PRCP: variants seen among roughly 807,000 people sequenced by gnomAD.
The protein encoded by PRCP is prolylcarboxypeptidase.
PRCP carries 46 observed loss-of-function variants against 54.2 expected under a neutral mutation model. The ratio of observed to expected loss-of-function variants is 0.85; its 90% CI spans 0.67 to 1.09. The LOEUF (loss-of-function observed/expected upper bound fraction) is 1.09, where lower values mean the gene tolerates loss of function less well. Ranked by LOEUF, PRCP falls within the 50% of genes least tolerant of loss-of-function variation. PRCP has a pLI of 0.00. For synonymous variants in PRCP, 240 were observed against 212.2 expected (o/e 1.13, Z -1.14); for missense variants, 613 against 596.8 (o/e 1.03, Z -0.28).
chr11:82,850,468 G>A lies in PRCP; in HGVS notation c.449C>T (p.Ala150Val). Residue 150 changes from alanine to valine, a missense_variant, in exon 4 of 9, where the codon GCT (alanine) becomes GTT (valine). Ala to Val is a moderately conservative substitution (Grantham distance 64). Transcript: ENST00000313010. The stretch of plus-strand genomic sequence containing the variant: ...GATTAACTCTGCAAAATCAGCCAGA[G>A]CTTGTTCTGATGTCAGGAAATTCAA... ...RHLNFLTSEQ[A>V]LADFAELIKH... 4 of 1,592,050 alleles carry A rather than the reference G, an allele frequency of 2.5e-6. No individual in the cohort carries two copies. In the South Asian group the frequency reaches 3.4e-5, roughly 14 times the overall value.
At chr11:82,898,321 A>G (rs1160364511) in intron 1 of PRCP, among the ~76,000 whole-genome samples, 1 of 152,246 alleles carries the variant, frequency 6.6e-6, no homozygotes, top group Admixed American at 6.5e-5. Flanking sequence ...GTTGAATTAT[A>G]TTTCTAAGGA....
chr11:82,869,860 A>C (rs977138865), intron 1 of PRCP, among the ~76,000 whole-genome samples: 2 of 152,254 alleles, frequency 1.3e-5, no homozygotes, highest in Non-Finnish European at 2.9e-5. Context: ...CCAGTGACAA[A>C]TCACATGCCT....
At chr11:82,865,098 C>G (rs1294133960) in intron 1 of PRCP, among the ~76,000 whole-genome samples, 1 of 152,116 alleles carries the variant, frequency 6.6e-6, no homozygotes, top group African/African-American at 2.4e-5. Flanking sequence ...CTTTCATCAC[C>G]CAGTTTTAAA....
At chr11:82,861,488 TTAATC>T (rs1167741866) in intron 1 of PRCP, among the ~76,000 whole-genome samples, 1 of 152,182 alleles carries the variant, frequency 6.6e-6, no homozygotes, top group African/African-American at 2.4e-5. Context: ...TGCTATCACT[TTAATC>T]TAGTAATTAA....
At chr11:82,872,389 A>T (rs138680280) in intron 1 of PRCP, among the ~76,000 whole-genome samples, 4 of 152,314 alleles carry the variant, frequency 2.6e-5, no homozygotes, top group African/African-American at 7.2e-5. Context: ...ATCATTGCAG[A>T]TGTCATTAGT....
Position 82,839,242 on chromosome 11 carries a change from G to GGAAA in PRCP, c.1086+15_1086+18dup. 2 of 1,595,632 alleles carry GGAAA rather than the reference G, an allele frequency of 1.3e-6. No homozygotes were observed. Among genetic ancestry groups the GGAAA allele is most frequent in the Non-Finnish European group, 1.7e-6 (2 of 1,172,182 alleles). On this transcript the variant is annotated intron_variant, in intron 7 of 8. Transcript: ENST00000313010. ...TCAGTGAAAAGTAAGTTCCACTTGG[G>GGAAA]GAAATTATACATATTTACCTGATAG...
chr11:82,844,424 T>A (rs759079457), intron 6 of PRCP, among the ~76,000 whole-genome samples: 2 of 146,488 alleles, frequency 1.4e-5, no homozygotes, highest in Non-Finnish European at 3.0e-5. Flanking sequence ...CCTTCTCTCT[T>A]AAAAAAATAA....
chr11:82,850,331 C>T lies in PRCP; in HGVS notation c.586G>A (p.Val196Ile), dbSNP rs1025706822. Residue 196 changes from valine (V) to isoleucine (I), a missense_variant, in exon 4 of 9, where the codon GTA (valine) becomes ATA (isoleucine). By Grantham distance (29) the Val-to-Ile change is conservative (BLOSUM62 3). Transcript: ENST00000313010. Reference sequence around the variant, plus strand: ...CAGTACAAATGCACTTACCCAACTACCATATGAGGATATTTCATCCTAAAC... The same window carrying T: ...CAGTACAAATGCACTTACCCAACTATCATATGAGGATATTTCATCCTAAAC... ...AWFRMKYPHMVVGALAASAPI... is the reference protein window; with the variant it reads ...AWFRMKYPHMIVGALAASAPI... 1 of 1,563,364 alleles carries T rather than the reference C, an allele frequency of 6.4e-7. No individual in the cohort carries two copies. The highest frequency in any genetic ancestry group is 1.4e-5 in the African/African-American group (1 of 72,542).
chr11:82,826,018 G>C (rs555109766), intron 8 of PRCP: 1 of 152,100 alleles, frequency 6.6e-6, no homozygotes, highest in Non-Finnish European at 1.5e-5. Flanking sequence ...CACATAATTC[G>C]ATGGTTTTTA....
At chr11:82,881,426 G>C (rs905914238) in intron 1 of PRCP, among the ~76,000 whole-genome samples, 1 of 152,182 alleles carries the variant, frequency 6.6e-6, no homozygotes, top group Non-Finnish European at 1.5e-5. Flanking sequence ...AAATGCTACA[G>C]ACAGTAAGGA....
intron 1 of PRCP, among the ~76,000 whole-genome samples, chr11:82,871,911 G>A (rs1276340751): frequency 6.6e-6 from 1 of 152,210 alleles, no homozygotes; most frequent in Non-Finnish European, 1.5e-5. Flanking sequence ...TCACTGGCCA[G>A]GAATAAATAA....
chr11:82,875,665 A>G (rs540327927), intron 1 of PRCP, among the ~76,000 whole-genome samples: 2 of 152,332 alleles, frequency 1.3e-5, no homozygotes, highest in South Asian at 2.1e-4. Flanking sequence ...ACAGTCTACC[A>G]GAGGAGACAA....
chr11:82,866,335 G>A (rs1859334741), intron 1 of PRCP, among the ~76,000 whole-genome samples: 1 of 152,144 alleles, frequency 6.6e-6, no homozygotes, highest in Admixed American at 6.5e-5. Context: ...GCCAACCTTA[G>A]AGGGTCGAGC....
At chr11:82,900,707 T>G (rs549462116), upstream of PRCP, 28 of 555,762 alleles carry the variant, frequency 5.0e-5, no homozygotes, top group East Asian at 1.2e-3. Flanking sequence ...TCTTCCTAAC[T>G]CATCGCTGTA....
At chr11:82,890,843 A>T (rs887600636) in intron 1 of PRCP, among the ~76,000 whole-genome samples, 1 of 152,170 alleles carries the variant, frequency 6.6e-6, no homozygotes, top group Non-Finnish European at 1.5e-5. Context: ...TGCTTTTTTC[A>T]TTAAGTAATC....
In PRCP at chr11:82,859,980, G is replaced by A. The variant is rs1182455784; in HGVS notation, c.306C>T (p.Asn102=). ...NEGDIIWFCN[N]TGFMWDVAEE... is the part of the protein sequence containing the mutation. ...AATTTCATGAATCTGCACATACCGT[G>A]TTATTACAAAACCAGATAATGTCCC... Residue 102 remains asparagine (N), a synonymous_variant, in exon 2 of 9, where the codon AAC becomes AAT. Coordinates refer to ENST00000313010, the MANE Select transcript of PRCP (RefSeq NM_005040.4). The A allele has an allele frequency of 1.9e-6, 3 of 1,578,460 alleles. No individual in the cohort carries two copies. Among genetic ancestry groups the A allele is most frequent in the Non-Finnish European group, 2.6e-6 (3 of 1,165,780 alleles).
intron 1 of PRCP, among the ~76,000 whole-genome samples, chr11:82,897,678 C>T (rs1565238783): frequency 6.6e-6 from 1 of 152,172 alleles, no homozygotes; most frequent in East Asian, 1.9e-4. Flanking sequence ...GGAATTATGG[C>T]AGAATATAAA....
chr11:82,868,613 A>C (rs1051927442), intron 1 of PRCP, among the ~76,000 whole-genome samples: 1 of 152,168 alleles, frequency 6.6e-6, no homozygotes, highest in Non-Finnish European at 1.5e-5. Flanking sequence ...TTTCAGGTAC[A>C]AAAGAGCATT....
intron 2 of PRCP, among the ~76,000 whole-genome samples, chr11:82,855,042 A>C (rs1156299929): frequency 1.3e-5 from 2 of 152,206 alleles, no homozygotes; most frequent in Non-Finnish European, 2.9e-5. Context: ...AAAAGACTTA[A>C]ATGTAAAACT....
Sources: gnomAD v4.1 joint callset for allele counts (sites outside exome capture counted in the v4.1 genomes callset) on GRCh38, gnomAD v4.1.1 for gene constraint, MANE v1.5 for transcripts, NCBI Gene and HGNC (gene_info 2026-07-23, HGNC 2026-07-21) for gene names.